BORA: variants seen among roughly 807,000 people sequenced by gnomAD.
The protein encoded by BORA is BORA aurora kinase A activator, also known as protein aurora borealis.
Under a neutral mutation model 55.8 loss-of-function variants are expected in BORA, and 26 were observed. The ratio of observed to expected loss-of-function variants is 0.47; its 90% CI spans 0.34 to 0.65. The LOEUF (loss-of-function observed/expected upper bound fraction) is 0.65. BORA is among the 30% of genes least tolerant of loss of function. The pLI, the probability that BORA is intolerant of heterozygous loss-of-function variation, is 0.01. For missense variants in BORA, 568 were observed against 671.5 expected, an observed-to-expected ratio of 0.85 and a Z score of 1.70; for synonymous variants, 201 against 216.9, an observed-to-expected ratio of 0.93 and a Z score of 0.64.
Position 72,755,341 on chromosome 13 carries a change from A to G in BORA, c.*125A>G. 2 of 721,244 alleles carry G rather than the reference A, an allele frequency of 2.8e-6. No homozygotes were observed. The highest frequency in any genetic ancestry group is 4.5e-6 in the Non-Finnish European group (2 of 442,306). The allele number at this position is 721,244 out of a possible 1,614,324, so 44.7% of individuals were successfully genotyped here. A position where few individuals can be genotyped will look rare whatever the true frequency, so the allele number is the denominator to read the frequency against. The stretch of plus-strand genomic sequence containing the variant: ...GTAACATGCTTAGCTTTCCCTCCTT[A>G]ATGTGAAAAATCAAGGGCTTACTGA... On this transcript the variant is annotated 3_prime_UTR_variant, in exon 12 of 12. Coordinates refer to ENST00000390667, the MANE Select transcript of BORA (RefSeq NM_024808.5).
intron 10 of BORA, among the ~76,000 whole-genome samples, chr13:72,748,692 A>T (rs1486553160): frequency 1.3e-5 from 2 of 151,928 alleles, no homozygotes; most frequent in Non-Finnish European, 2.9e-5. Context: ...CCTTAAAGGC[A>T]TTGTTTGCTG....
chr13:72,755,010 TTATAAAATAC>T (rs1282291323), intron 11 of BORA, 131 bp from the exon 12 acceptor site: 1 of 625,762 alleles, frequency 1.6e-6, no homozygotes, highest in Non-Finnish European at 2.7e-6. Context: ...GAATATTGAT[TTATAAAATAC>T]TGTATCTTTA....
Position 72,743,539 on chromosome 13 carries a change from A to T in BORA, c.391A>T (p.Thr131Ser), listed in dbSNP as rs1360898581. 1.2e-6 allele frequency: 2 copies of T among 1,606,986 alleles called. No individual in the cohort carries two copies. The highest frequency in any genetic ancestry group is 2.7e-5 in the African/African-American group (2 of 74,630). ...QLSQCHSSKC[T>S]NINSDSPVGK... ...TTTTCACTTAAAATGTCTTACAGGC[A>T]CTAACATAAATAGTGACTCTCCAGT... The change falls in exon 6 of 12, where the codon ACT becomes TCT. Residue 131 changes from threonine to serine, a missense_variant and splice_region_variant. Physicochemically the swap from Thr to Ser is moderately conservative, Grantham distance 58. Transcript: ENST00000390667.
chr13:72,753,778 A>C lies in BORA; in HGVS notation c.1571A>C (p.Gln524Pro), dbSNP rs571577612. 7.8e-5 allele frequency: 126 copies of C among 1,613,540 alleles called. No individual in the cohort carries two copies. The South Asian group carries it at 1.3e-3, about 16-fold the overall frequency. ...AESYCKESDA[Q>P]TCEVESKSQA... ...AGTTACTGCAAAGAAAGTGATGCACAAACATGTGAAGTTGAGAGTAAATCT... is the reference window on the plus strand; with the variant it reads ...AGTTACTGCAAAGAAAGTGATGCACCAACATGTGAAGTTGAGAGTAAATCT... The change falls in exon 11 of 12, where the codon CAA becomes CCA. Residue 524 changes from glutamine (Q) to proline (P), a missense_variant. Transcript: ENST00000390667.
intron 5 of BORA, among the ~76,000 whole-genome samples, chr13:72,742,871 A>G (rs1240535936): frequency 3.3e-5 from 5 of 152,300 alleles, no homozygotes; most frequent in Admixed American, 3.3e-4. Context: ...GACAACATAT[A>G]TGAATCTAGA....
At position 72,755,162 on chromosome 13, in the gene BORA, AAC is replaced by A. The variant is rs1566232330; in HGVS notation, c.1630_1631del (p.Gln544GlufsTer60). On this transcript the variant is annotated frameshift_variant, in exon 12 of 12. Coordinates refer to ENST00000390667, the MANE Select transcript of BORA (RefSeq NM_024808.5). LOFTEE classifies it high-confidence loss of function. ...CTTCTTTTTCACAGCAAGACCACAC[AAC>A]ACAGAGGTGTTGGATGAAAACAGCA... Reference protein sequence around the residue: ...QAFNMKQDHTTQRCWMKTASP... With the variant: ...QAFNMKQDHTXQRCWMKTASP... 6.2e-7 allele frequency: 1 copy of A among 1,613,834 alleles called. No homozygotes were observed. The highest frequency in any genetic ancestry group is 1.1e-5 in the South Asian group (1 of 91,068).
chr13:72,747,236 T>A (rs1053118393), intron 10 of BORA, 125 bp downstream of exon 10: 85 of 966,554 alleles, frequency 8.8e-5, no homozygotes, highest in Admixed American at 2.2e-4. Context: ...TAATATTTTT[T>A]AAAAATATTA....
rs375530402 is a variant in BORA at position 72,753,664 on chromosome 13, T to C, written c.1483-26T>C. On this transcript the variant is annotated intron_variant, in intron 10 of 11. Coordinates refer to ENST00000390667, the MANE Select transcript of BORA (RefSeq NM_024808.5). Reference sequence around the variant, plus strand: ...TTTGACTTTTAAGTTCCTCACAATATATTTTTTTCTTTTTTCTCCTGTCAG... The same window carrying C: ...TTTGACTTTTAAGTTCCTCACAATACATTTTTTTCTTTTTTCTCCTGTCAG... 8 of 1,598,528 alleles carry C rather than the reference T, an allele frequency of 5.0e-6. No individual in the cohort carries two copies. In the African/African-American group the frequency reaches 8.1e-5, roughly 16 times the overall value.
At chr13:72,736,817 T>C (rs1033085933) in intron 4 of BORA, among the ~76,000 whole-genome samples, 3 of 152,118 alleles carry the variant, frequency 2.0e-5, no homozygotes, top group Admixed American at 2.0e-4. Context: ...ATCTCCAATA[T>C]TGATTATTAT....
intron 11 of BORA, chr13:72,754,314 C>CT (rs531119727): frequency 0.076 from 10,734 of 141,016 alleles, 945 homozygotes; most frequent in African/African-American, 0.21. Flanking sequence ...TCTTTTTTTT[C>CT]TTTTTTTTTT....
At chr13:72,736,783 G>C (rs1446022073) in intron 4 of BORA, among the ~76,000 whole-genome samples, 3 of 151,856 alleles carry the variant, frequency 2.0e-5, no homozygotes, top group Non-Finnish European at 4.4e-5. Flanking sequence ...CCTGATTACA[G>C]TGTGACACTG....
At chr13:72,753,345 G>A (rs1036872939) in intron 10 of BORA, 9 of 170,072 alleles carry the variant, frequency 5.3e-5, no homozygotes, top group Non-Finnish European at 1.1e-4. Context: ...AGACAAGCCT[G>A]GAAAATGCGT....
At chr13:72,731,251 T>C (rs2138039700) in intron 2 of BORA, 30 bp from the exon 3 acceptor site, 1 of 1,406,946 alleles carries the variant, frequency 7.1e-7, no homozygotes, top group Admixed American at 1.8e-5. Flanking sequence ...TAGTTTGCCT[T>C]TACTCATAAG....
At chr13:72,735,836 C>T (rs1021654034) in intron 4 of BORA, among the ~76,000 whole-genome samples, 3 of 152,098 alleles carry the variant, frequency 2.0e-5, no homozygotes, top group Non-Finnish European at 2.9e-5. Context: ...CTCGAACTCC[C>T]GACCTCAGAT....
At chr13:72,729,614 C>T (rs957281658) in intron 2 of BORA, among the ~76,000 whole-genome samples, 1 of 152,192 alleles carries the variant, frequency 6.6e-6, no homozygotes, top group Non-Finnish European at 1.5e-5. Context: ...GTCACAACTA[C>T]TCACTTCTGT....
intron 5 of BORA, among the ~76,000 whole-genome samples, chr13:72,742,699 G>T (rs529261273): frequency 8.6e-5 from 13 of 151,494 alleles, no homozygotes; most frequent in African/African-American, 2.4e-4. Context: ...CAACAGCCAA[G>T]ATATGGAGTC....
chr13:72,741,614 A>G (rs781568157), intron 5 of BORA, among the ~76,000 whole-genome samples: 18 of 152,134 alleles, frequency 1.2e-4, no homozygotes, highest in Non-Finnish European at 2.5e-4. Flanking sequence ...TGGTGCAGTC[A>G]AATCCATCGA....
chr13:72,737,225 GGTC>G (rs971368832), intron 4 of BORA, among the ~76,000 whole-genome samples: 1 of 152,082 alleles, frequency 6.6e-6, no homozygotes, highest in African/African-American at 2.4e-5. Context: ...CTTGCTCTCT[GGTC>G]GTGGAAGGAG....
At chr13:72,742,978 T>C (rs1238205571) in intron 5 of BORA, among the ~76,000 whole-genome samples, 1 of 151,894 alleles carries the variant, frequency 6.6e-6, no homozygotes, top group Non-Finnish European at 1.5e-5. Flanking sequence ...CTCTTAGAAG[T>C]AGAGAATAGA....
Sources: allele counts gnomAD v4.1 joint callset (sites outside exome capture counted in the v4.1 genomes callset), GRCh38; gene constraint gnomAD v4.1.1; transcripts MANE v1.5; gene names NCBI Gene and HGNC (gene_info 2026-07-23, HGNC 2026-07-21).